The following TPP2 variants were observed in gnomAD, a reference collection of about 807,000 sequenced individuals.
TPP2 encodes the protein tripeptidyl peptidase 2, also known as tripeptidyl-peptidase 2.
TPP2 carries 34 observed loss-of-function variants against 155.9 expected under a neutral mutation model. The observed-to-expected ratio is 0.22, with a 90% confidence interval of 0.17 to 0.29. The LOEUF (loss-of-function observed/expected upper bound fraction) is 0.29, where lower values mean the gene tolerates loss of function less well. Among genes scored for constraint, TPP2 ranks in the 10% least tolerant of loss-of-function variants. TPP2 has a pLI of 1.00. For synonymous variants in TPP2, 510 were observed against 529.4 expected (o/e 0.96, Z 0.50); for missense variants, 1,028 against 1,522.3 (o/e 0.68, Z 5.40).
intron 16 of TPP2, among the ~76,000 whole-genome samples, chr13:102,641,262 C>A (rs536523753): frequency 6.6e-6 from 1 of 152,212 alleles, no homozygotes; most frequent in East Asian, 1.9e-4. Flanking sequence ...AAGGGTATGT[C>A]AGTTGTCAGA....
intron 19 of TPP2, 57 bp from the exon 20 acceptor site, chr13:102,646,237 T>C (rs2139537328): frequency 1.4e-6 from 2 of 1,439,810 alleles, no homozygotes; most frequent in East Asian, 2.4e-5. Flanking sequence ...TATGGTTTTA[T>C]TTGTCTCATT....
At chr13:102,621,763 G>A (rs1194488383) in intron 5 of TPP2, among the ~76,000 whole-genome samples, 3 of 152,194 alleles carry the variant, frequency 2.0e-5, no homozygotes, top group African/African-American at 7.2e-5. Flanking sequence ...GGACTGTGCG[G>A]TTAGATGGGC....
At chr13:102,672,355 G>A (rs644046) in intron 27 of TPP2, among the ~76,000 whole-genome samples, 100,944 of 152,048 alleles carry the variant, frequency 0.66, 33,712 homozygotes, top group Middle Eastern at 0.69. Flanking sequence ...AATGATCAGA[G>A]GTTGGGTTTT....
Position 102,614,120 on chromosome 13 carries a change from A to C in TPP2, c.314A>C (p.Asn105Thr). 5 of 1,613,360 alleles carry C rather than the reference A, an allele frequency of 3.1e-6. No homozygotes were observed. Among genetic ancestry groups the C allele is most frequent in the Non-Finnish European group, 4.2e-6 (5 of 1,179,714 alleles). Residue 105 changes from asparagine to threonine, a missense_variant, in exon 3 of 30, where the codon AAT becomes ACT. Around this residue, in one of 7 missense-constraint regions of TPP2, gnomAD observed 300 missense variants for 398.3 expected, o/e 0.75. Coordinates refer to ENST00000376052, the MANE Select transcript of TPP2 (RefSeq NM_001330588.2). ...CTGTAGATTCCTGCAAGCTGGACAA[A>C]TCCCTCAGGCAAATATCATATTGGC... is the stretch of plus-strand genomic sequence containing the variant. ...RVLKIPASWT[N>T]PSGKYHIGIK...
chr13:102,631,117 CAGTGTAA>C (rs1881990523), intron 10 of TPP2, among the ~76,000 whole-genome samples: 1 of 152,130 alleles, frequency 6.6e-6, no homozygotes, highest in African/African-American at 2.4e-5. Context: ...GAGCAGGTTT[CAGTGTAA>C]AGTTTTTTGA....
chr13:102,617,412 T>C (rs1163585119), intron 4 of TPP2, among the ~76,000 whole-genome samples: 1 of 152,222 alleles, frequency 6.6e-6, no homozygotes, highest in Non-Finnish European at 1.5e-5. Context: ...ATTTTAAAAG[T>C]AATTAAGTTT....
chr13:102,643,226 G>T lies in TPP2; in HGVS notation c.2025G>T (p.Val675=). 1 of 1,591,628 alleles carries T rather than the reference G, an allele frequency of 6.3e-7. No homozygotes were observed. Among genetic ancestry groups the T allele is most frequent in the Non-Finnish European group, 8.5e-7 (1 of 1,173,276 alleles). Reference sequence around the variant, plus strand: ...CTTCTTTCTTTCTTATTTTAGAAGTGACAGTGTGTTCGTGTTCTTCTGAGG... The same window carrying T: ...CTTCTTTCTTTCTTATTTTAGAAGTTACAGTGTGTTCGTGTTCTTCTGAGG... The part of the protein sequence containing the change: ...EVPEGATWAE[V]TVCSCSSEVS... Residue 675 remains valine (V), a synonymous_variant, in exon 17 of 30, where the codon GTG becomes GTT. Transcript: ENST00000376052.
At chr13:102,648,429 CGTGTGTGT>C (rs56934655) in intron 21 of TPP2, among the ~76,000 whole-genome samples, 15 of 147,968 alleles carry the variant, frequency 1.0e-4, no homozygotes, top group South Asian at 2.2e-4. Context: ...ATAAGTTACA[CGTGTGTGT>C]GTGTGTGTGT....
At position 102,678,291 on chromosome 13, in the gene TPP2, A is replaced by G. The variant is rs1417039163; in HGVS notation, c.3764A>G (p.Tyr1255Cys). The G allele has an allele frequency of 6.2e-7, 1 of 1,613,730 alleles. No homozygotes were observed. Among genetic ancestry groups the G allele is most frequent in the Admixed American group, 1.7e-5 (1 of 60,000 alleles). ...ACTGAAAACTGGCTCCCCATCATGTATCCTCCCGATTATTGCGTATTCTAA... is the reference window on the plus strand; with the variant it reads ...ACTGAAAACTGGCTCCCCATCATGTGTCCTCCCGATTATTGCGTATTCTAA... The part of the protein sequence containing the change: ...SFTENWLPIM[Y>C]PPDYCVF The change falls in exon 30 of 30, where the codon TAT becomes TGT. Residue 1255 changes from tyrosine to cysteine, a missense_variant. Around this residue, in one of 7 missense-constraint regions of TPP2, gnomAD observed 41 missense variants for 78.3 expected, o/e 0.52. Coordinates refer to ENST00000376052, the MANE Select transcript of TPP2 (RefSeq NM_001330588.2).
rs655209 is a variant in TPP2 at position 102,679,582 on chromosome 13, G to A, written c.*1266G>A. On this transcript the variant is annotated 3_prime_UTR_variant, in exon 30 of 30. Transcript: ENST00000376052. Reference sequence around the variant, plus strand: ...GCTGTATCTCATGAAGTGTTAGAGCGTTTATGAGAAACATAAATACATGTA... The same window carrying A: ...GCTGTATCTCATGAAGTGTTAGAGCATTTATGAGAAACATAAATACATGTA... 0.5 allele frequency: 75,423 copies of A among 152,030 alleles called. 19,095 individuals are homozygous for A. Among genetic ancestry groups the A allele is most frequent in the African/African-American group, 0.6 (24,885 of 41,452 alleles). The allele number at this position is 152,030 out of a possible 1,614,324, so 9.4% of individuals were successfully genotyped here. A position where few individuals can be genotyped will look rare whatever the true frequency, so the allele number is the denominator to read the frequency against.
At chr13:102,644,454 G>C in intron 17 of TPP2, 103 bp from the exon 18 acceptor site, 1 of 981,008 alleles carries the variant, frequency 1.0e-6, no homozygotes, top group Non-Finnish European at 1.4e-6. Context: ...GCTACAAACA[G>C]GAAAAGTTTG....
At chr13:102,648,836 T>C in intron 21 of TPP2, 71 bp from the exon 22 acceptor site, 2 of 1,510,458 alleles carry the variant, frequency 1.3e-6, no homozygotes, top group Non-Finnish European at 1.8e-6. Context: ...ACTTTCACTT[T>C]ATCCTCTTTC....
intron 1 of TPP2, among the ~76,000 whole-genome samples, chr13:102,599,049 C>T (rs985109624): frequency 6.6e-6 from 1 of 152,084 alleles, no homozygotes. Flanking sequence ...GATCCTGTCA[C>T]CCAGGTAGTG....
At chr13:102,626,039 A>G (rs1229260614) in intron 6 of TPP2, among the ~76,000 whole-genome samples, 1 of 152,230 alleles carries the variant, frequency 6.6e-6, no homozygotes, top group Non-Finnish European at 1.5e-5. Flanking sequence ...CACAAAGTGG[A>G]CACTTCTTTG....
At chr13:102,602,707 T>A (rs1201850616) in intron 1 of TPP2, among the ~76,000 whole-genome samples, 2 of 152,202 alleles carry the variant, frequency 1.3e-5, no homozygotes, top group East Asian at 3.8e-4. Context: ...TGGAGGTTAT[T>A]GCAGAGGAAA....
At chr13:102,677,819 T>C (rs1177630370) in intron 29 of TPP2, among the ~76,000 whole-genome samples, 4 of 152,254 alleles carry the variant, frequency 2.6e-5, no homozygotes, top group Non-Finnish European at 5.9e-5. Context: ...TGCTTATTAT[T>C]TGCTTTTCCT....
At chr13:102,671,158 A>G (rs1288678517) in intron 27 of TPP2, among the ~76,000 whole-genome samples, 1 of 152,206 alleles carries the variant, frequency 6.6e-6, no homozygotes, top group Non-Finnish European at 1.5e-5. Flanking sequence ...CAAGGGGAAT[A>G]GTATAAAAGC....
At chr13:102,613,794 C>T (rs1880496470) in intron 2 of TPP2, among the ~76,000 whole-genome samples, 2 of 152,172 alleles carry the variant, frequency 1.3e-5, no homozygotes, top group South Asian at 2.1e-4. Flanking sequence ...ACTTTGAGAT[C>T]GTTTAAAAGA....
chr13:102,650,678 C>T (rs1377705261), intron 23 of TPP2, among the ~76,000 whole-genome samples: 1 of 152,116 alleles, frequency 6.6e-6, no homozygotes, highest in Non-Finnish European at 1.5e-5. Flanking sequence ...AGTCTGCTTA[C>T]TTGTGAAGAG....
Sources: allele counts gnomAD v4.1 joint callset (sites outside exome capture counted in the v4.1 genomes callset), GRCh38; gene constraint gnomAD v4.1.1; regional missense constraint gnomAD v4.1.1; transcripts MANE v1.5; gene names NCBI Gene and HGNC (gene_info 2026-07-23, HGNC 2026-07-21).